The following KRT4 variants were observed in gnomAD, a reference collection of about 807,000 sequenced individuals.
KRT4 encodes the protein keratin, type II cytoskeletal 4.
Under a neutral mutation model 50.6 loss-of-function variants are expected in KRT4, and 47 were observed. The ratio of observed to expected loss-of-function variants is 0.93; its 90% CI spans 0.73 to 1.18. The LOEUF (loss-of-function observed/expected upper bound fraction) is 1.18. KRT4 is among the 50% of genes most tolerant of loss of function. The pLI is 0.00. For synonymous variants in KRT4, 254 were observed against 251.2 expected, an observed-to-expected ratio of 1.01 and a Z score of -0.10; for missense variants, 651 against 645.7, an observed-to-expected ratio of 1.01 and a Z score of -0.09.
chr12:52,807,546 G>A (rs764593017), intron 7 of KRT4, 98 bp downstream of exon 7: 96 of 1,503,038 alleles, frequency 6.4e-5, no homozygotes, highest in Middle Eastern at 6.1e-4. Flanking sequence ...GTAATGCACC[G>A]GCACAACACT....
chr12:52,809,340 G>A (rs1246323520), intron 4 of KRT4, 43 bp downstream of exon 4: 5 of 1,427,496 alleles, frequency 3.5e-6, no homozygotes, highest in South Asian at 3.4e-5. Flanking sequence ...TCACAGATGG[G>A]GGATTCCCTT....
chr12:52,812,114 T>C (rs1939924348), intron 1 of KRT4, 137 bp from the exon 2 acceptor site: 1 of 715,112 alleles, frequency 1.4e-6, no homozygotes. Context: ...CTATGTTGCA[T>C]CTCCAGGGCA....
chr12:52,813,769 C>G lies in KRT4; in HGVS notation c.290G>C (p.Gly97Ala). The change falls in exon 1 of 9, where the codon GGT becomes GCT. Residue 97 changes from glycine (G) to alanine (A), a missense_variant. Transcript: ENST00000551956. Reference sequence around the variant, plus strand: ...GGGGCAGACGGGGAAGCCAGGGCCACCCTTACCACTGAAGGAGCCCCCAAA... The same window carrying G: ...GGGGCAGACGGGGAAGCCAGGGCCAGCCTTACCACTGAAGGAGCCCCCAAA... ...GGFGGSFSGKGGPGFPVCPAG... is the reference protein window; with the variant it reads ...GGFGGSFSGKAGPGFPVCPAG... 1 of 1,614,300 alleles carries G rather than the reference C, an allele frequency of 6.2e-7. No individual in the cohort carries two copies.
In KRT4 at chr12:52,814,048, C is replaced by T. The variant is rs764236121; in HGVS notation, c.11G>A (p.Arg4Lys). The change falls in exon 1 of 9, where the codon AGA becomes AAA. Residue 4 changes from arginine (R) to lysine (K), a missense_variant. Transcript: ENST00000551956. MIA[R>K]QQCVRGGPRG... ...GGGCCCGCCTCGGACACACTGCTGT[C>T]TGGCAATCATGGCTGCAGAGAGCGA... The T allele has an allele frequency of 3.7e-6, 6 of 1,613,676 alleles. No homozygotes were observed. The highest frequency in any genetic ancestry group is 3.3e-5 in the Admixed American group (2 of 59,992).
chr12:52,807,371 C>T lies in KRT4; in HGVS notation c.1369G>A (p.Ala457Thr). The T allele has an allele frequency of 6.2e-7, 1 of 1,614,200 alleles. No individual in the cohort carries two copies. Among genetic ancestry groups the T allele is most frequent in the Non-Finnish European group, 8.5e-7 (1 of 1,180,044 alleles). The part of the protein sequence containing the change: ...EYRMSGECQS[A>T]VSISVVSGST... ...GGAAGGTACTTACAGATGCTCACGG[C>T]ACTCTGGCATTCTCCAGACATTCTG... The change falls in exon 8 of 9, where the codon GCC becomes ACC. Residue 457 changes from alanine to threonine, a missense_variant. By Grantham distance (58) the Ala-to-Thr change is moderately conservative. Transcript: ENST00000551956.
intron 3 of KRT4, among the ~76,000 whole-genome samples, chr12:52,810,029 C>T (rs1167560265): frequency 1.3e-5 from 2 of 151,554 alleles, no homozygotes; most frequent in African/African-American, 2.4e-5. Flanking sequence ...CACATGTCCT[C>T]ACTTATAAGT....
chr12:52,810,651 G>T, intron 3 of KRT4, 105 bp downstream of exon 3: 1 of 901,908 alleles, frequency 1.1e-6, no homozygotes, highest in Non-Finnish European at 1.9e-6. Context: ...TCCAAGTGAA[G>T]CAGGGATGAG....
Position 52,808,712 on chromosome 12 carries a change from C to CA in KRT4, c.972dup (p.Glu325Ter). On this transcript the variant is annotated frameshift_variant, in exon 5 of 9. Transcript: ENST00000551956. LOFTEE classifies it high-confidence loss of function. Reference sequence around the variant, plus strand: ...TTGGTCTGGTACAGGGCTTCAGCCTCAGCCTTGCTCCTCTGGGCAATCTCC... The same window carrying CA: ...TTGGTCTGGTACAGGGCTTCAGCCTCAAGCCTTGCTCCTCTGGGCAATCTCC... 6.2e-7 allele frequency: 1 copy of CA among 1,614,210 alleles called. No homozygotes were observed. The highest frequency in any genetic ancestry group is 8.5e-7 in the Non-Finnish European group (1 of 1,180,034).
intron 1 of KRT4, among the ~76,000 whole-genome samples, chr12:52,813,359 T>A (rs1592311927): frequency 6.6e-6 from 1 of 152,162 alleles, no homozygotes. Flanking sequence ...TTGTCCAGTA[T>A]CCCACAGCCT....
chr12:52,809,475 C>A lies in KRT4; in HGVS notation c.742G>T (p.Val248Leu). 1.2e-6 allele frequency: 2 copies of A among 1,612,254 alleles called. No homozygotes were observed. The change falls in exon 4 of 9, where the codon GTG becomes TTG. Residue 248 changes from valine to leucine, a missense_variant. By Grantham distance (32) the Val-to-Leu change is conservative. Coordinates refer to ENST00000551956, the MANE Select transcript of KRT4 (RefSeq NM_002272.4). ...ACCTTGTTCAGGTAGGCAGCATCCA[C>A]GTCCTGCAGAGGAGTAAGGAGGATA... ...ENDFVVLKKD[V>L]DAAYLNKVEL...
Position 52,806,680 on chromosome 12 carries a change from A to G in KRT4, c.*389T>C. ...AAGTGCTGCCGGGTGTTGGAGAAGT[A>G]GTTTGGTTCTGATGTAGATGGATAA... is the stretch of plus-strand genomic sequence containing the variant. On this transcript the variant is annotated 3_prime_UTR_variant, in exon 9 of 9. Transcript: ENST00000551956. The G allele has an allele frequency of 3.4e-6, 1 of 290,918 alleles. No individual in the cohort carries two copies. Among genetic ancestry groups the G allele is most frequent in the Non-Finnish European group, 6.7e-6 (1 of 148,856 alleles). The allele number at this position is 290,918 out of a possible 1,614,324, so 18.0% of individuals were successfully genotyped here. A position where few individuals can be genotyped will look rare whatever the true frequency, so the allele number is the denominator to read the frequency against.
intron 1 of KRT4, 99 bp downstream of exon 1, chr12:52,813,498 G>A: frequency 9.4e-7 from 1 of 1,060,596 alleles, no homozygotes; most frequent in Non-Finnish European, 1.5e-6. Context: ...GGGAAGTTCA[G>A]TGGTCTCCCC....
At chr12:52,809,552 G>A (rs747838948) in intron 3 of KRT4, 74 bp from the exon 4 acceptor site, 95 of 1,035,128 alleles carry the variant, frequency 9.2e-5, no homozygotes, top group Admixed American at 3.6e-4. Flanking sequence ...AAGTGACACC[G>A]ACAGGTGTTC....
intron 1 of KRT4, among the ~76,000 whole-genome samples, chr12:52,812,797 T>C (rs892434904): frequency 6.6e-6 from 1 of 152,224 alleles, no homozygotes; most frequent in African/African-American, 2.4e-5. Context: ...AGAACAAATA[T>C]GCACCTTATT....
rs573744208 is a variant in KRT4, at chr12:52,808,451, G to A, written c.1000-32C>T. 2.5e-5 allele frequency: 40 copies of A among 1,612,608 alleles called. No individual in the cohort carries two copies. In the South Asian group the frequency reaches 4.3e-4, roughly 17 times the overall value. On this transcript the variant is annotated intron_variant, in intron 5 of 8. Coordinates refer to ENST00000551956, the MANE Select transcript of KRT4 (RefSeq NM_002272.4). The stretch of plus-strand genomic sequence containing the variant: ...CTCAAGAAGACACAGAGAACCAGGT[G>A]TTAGGGGCATTTGGGTAGGGTCCAT...
chr12:52,808,606 G>A (rs771969342), intron 5 of KRT4, 80 bp downstream of exon 5: 9 of 1,541,526 alleles, frequency 5.8e-6, no homozygotes, highest in Non-Finnish European at 7.2e-6. Flanking sequence ...TTGGGCTTGA[G>A]CTAATGATCA....
chr12:52,813,134 G>C lies in KRT4; in HGVS notation c.462+463C>G, dbSNP rs545889163. Among the ~76,000 whole-genome samples, 9 of 152,282 alleles carry C rather than the reference G, an allele frequency of 5.9e-5. No homozygotes were observed. In the South Asian group the frequency reaches 1.9e-3, roughly 32 times the overall value. ...GGAATGAAAAAAGTAAATTTCCAAG[G>C]CCTTGGTGAGACCTAGAATCTGCCA... On this transcript the variant is annotated intron_variant, in intron 1 of 8. Coordinates refer to ENST00000551956, the MANE Select transcript of KRT4 (RefSeq NM_002272.4).
In KRT4 at chr12:52,807,713, A is replaced by G. The variant is rs755323384; in HGVS notation, c.1277T>C (p.Met426Thr). ...ARMLREYQELMSVKLALDIEI... is the reference protein window; with the variant it reads ...ARMLREYQELTSVKLALDIEI... ...GATGTCCAAGGCCAGCTTCACACTCATGAGCTCCTGGTACTCACGCAGCAT... is the reference window on the plus strand; with the variant it reads ...GATGTCCAAGGCCAGCTTCACACTCGTGAGCTCCTGGTACTCACGCAGCAT... The change falls in exon 7 of 9, where the codon ATG (methionine) becomes ACG (threonine). Residue 426 changes from methionine (M) to threonine (T), a missense_variant. Transcript: ENST00000551956. 1.2e-6 allele frequency: 2 copies of G among 1,614,108 alleles called. No individual in the cohort carries two copies. The highest frequency in any genetic ancestry group is 1.7e-6 in the Non-Finnish European group (2 of 1,180,004).
rs1353306894 is a variant in KRT4 at position 52,813,664 on chromosome 12, T to C, written c.395A>G (p.Lys132Arg). ...LHVEIDPEIQ[K>R]VRTEEREQIK... ...CTGTTCGCGCTCTTCCGTCCGGACT[T>C]TCTGGATCTCAGGGTCAATCTCCAC... Residue 132 changes from lysine to arginine, a missense_variant, in exon 1 of 9, where the codon AAA (lysine) becomes AGA (arginine). Physicochemically the swap from Lys to Arg is conservative, Grantham distance 26 (BLOSUM62 2). Transcript: ENST00000551956. The C allele has an allele frequency of 6.2e-7, 1 of 1,613,998 alleles. No homozygotes were observed. Among genetic ancestry groups the C allele is most frequent in the East Asian group, 2.2e-5 (1 of 44,896 alleles).
Sources: allele counts gnomAD v4.1 joint callset (sites outside exome capture counted in the v4.1 genomes callset), GRCh38; gene constraint gnomAD v4.1.1; transcripts MANE v1.5; gene names NCBI Gene and HGNC (gene_info 2026-07-23, HGNC 2026-07-21).